Variants in RBM5 observed in about 807,000 individuals in gnomAD.
RBM5 encodes the protein RNA-binding protein 5.
In RBM5, 15 loss-of-function variants were observed where a neutral mutation model predicts 124.6. The ratio of observed to expected loss-of-function variants is 0.12; its 90% CI spans 0.08 to 0.19. The LOEUF is 0.19. RBM5 is among the 10% of genes least tolerant of loss of function. The pLI is 1.00. For synonymous variants in RBM5, 337 were observed against 361.2 expected (o/e 0.93, Z 0.76); for missense variants, 580 against 1,026.5 (o/e 0.57, Z 5.94).
intron 14 of RBM5, among the ~76,000 whole-genome samples, 180 bp from the exon 15 acceptor site, chr3:50,109,423 A>G (rs750034705): frequency 5.9e-4 from 90 of 152,062 alleles, no homozygotes; most frequent in Non-Finnish European, 7.6e-4. Flanking sequence ...TGTATATCAC[A>G]TCTAGTAGAA....
At chr3:50,108,519 C>T (rs1320599575) in intron 14 of RBM5, among the ~76,000 whole-genome samples, 1 of 151,974 alleles carries the variant, frequency 6.6e-6, no homozygotes, top group Non-Finnish European at 1.5e-5. Flanking sequence ...CCAGCCTGGC[C>T]AACATGGTGA....
At chr3:50,109,837 T>G in intron 15 of RBM5, 149 bp downstream of exon 15, 1 of 589,712 alleles carries the variant, frequency 1.7e-6, no homozygotes, top group Non-Finnish European at 3.0e-6. Context: ...AATATTAATT[T>G]TATGATATAT....
intron 3 of RBM5, chr3:50,093,138 C>CAA (rs556944615): frequency 2.7e-4 from 23 of 86,502 alleles, no homozygotes; most frequent in South Asian, 1.0e-3. Context: ...GACTCTGTCT[C>CAA]AAAAAAAAAA....
chr3:50,098,524 C>T (rs2090870427), intron 4 of RBM5, among the ~76,000 whole-genome samples: 8 of 151,992 alleles, frequency 5.3e-5, no homozygotes, highest in Admixed American at 5.2e-4. Flanking sequence ...CTCACTGCAA[C>T]CTCCGCCTCC....
chr3:50,099,888 A>G, intron 4 of RBM5, 94 bp from the exon 5 acceptor site: 2 of 1,141,614 alleles, frequency 1.8e-6, no homozygotes, highest in East Asian at 5.5e-5. Flanking sequence ...AAAAAAAAAA[A>G]CTTGGCTAAT....
At chr3:50,098,799 C>G (rs2090877479) in intron 4 of RBM5, among the ~76,000 whole-genome samples, 1 of 152,084 alleles carries the variant, frequency 6.6e-6, no homozygotes, top group Non-Finnish European at 1.5e-5. Context: ...AGGCTGGTCT[C>G]ACACTCCTGT....
At position 50,118,489 on chromosome 3, in the gene RBM5, C is replaced by A. The variant is rs749463467; in HGVS notation, c.*33C>A. ...AGAGAGAGAGAGATGACAAGGAGCA[C>A]AAGAAGTGGTCCATCTCCCGAATTC... On this transcript the variant is annotated 3_prime_UTR_variant, in exon 25 of 25. Coordinates refer to ENST00000347869, the MANE Select transcript of RBM5 (RefSeq NM_005778.4). 2 of 1,604,134 alleles carry A rather than the reference C, an allele frequency of 1.2e-6. No homozygotes were observed. The highest frequency in any genetic ancestry group is 8.5e-7 in the Non-Finnish European group (1 of 1,174,396).
intron 4 of RBM5, among the ~76,000 whole-genome samples, chr3:50,095,602 T>C (rs921793750): frequency 1.3e-5 from 2 of 151,840 alleles, no homozygotes; most frequent in African/African-American, 4.8e-5. Flanking sequence ...TGCTCTACTG[T>C]TGTGCCTTTT....
At chr3:50,107,220 C>A in intron 11 of RBM5, 2 of 604,156 alleles carry the variant, frequency 3.3e-6, no homozygotes, top group Non-Finnish European at 6.0e-6. Context: ...TTAACTCTAA[C>A]ACGGTAAATT....
intron 17 of RBM5, among the ~76,000 whole-genome samples, chr3:50,111,300 A>G (rs754171386): frequency 6.6e-6 from 1 of 152,176 alleles, no homozygotes; most frequent in Non-Finnish European, 1.5e-5. Flanking sequence ...ACCACTGTCT[A>G]ATCTCAGAAC....
At chr3:50,108,631 C>G (rs570988020) in intron 14 of RBM5, among the ~76,000 whole-genome samples, 14 of 151,932 alleles carry the variant, frequency 9.2e-5, no homozygotes, top group Admixed American at 2.0e-4. Context: ...TGCTTGAACC[C>G]GAGCGGCAGA....
intron 14 of RBM5, among the ~76,000 whole-genome samples, chr3:50,108,697 A>T (rs756928761): frequency 2.6e-5 from 4 of 152,060 alleles, no homozygotes; most frequent in Non-Finnish European, 5.9e-5. Flanking sequence ...ACAGAGTGAG[A>T]TTCTGTCTCA....
Position 50,093,833 on chromosome 3 carries a change from C to T in RBM5, c.297C>T (p.Thr99=). The T allele has an allele frequency of 6.2e-7, 1 of 1,613,518 alleles. No individual in the cohort carries two copies. The highest frequency in any genetic ancestry group is 8.5e-7 in the Non-Finnish European group (1 of 1,179,534). ...HDISDERESK[T]IMLRGLPITI... is the part of the protein sequence containing the mutation. ...TCAGTGACGAGAGGGAGAGCAAGAC[C>T]ATCATGCTGCGCGGCCTTCCCATCA... is the stretch of plus-strand genomic sequence containing the variant. Residue 99 remains threonine (T), a synonymous_variant, in exon 4 of 25, where the codon ACC becomes ACT. Coordinates refer to ENST00000347869, the MANE Select transcript of RBM5 (RefSeq NM_005778.4).
At chr3:50,091,784 G>T (rs1463857778) in intron 2 of RBM5, among the ~76,000 whole-genome samples, 1 of 152,166 alleles carries the variant, frequency 6.6e-6, no homozygotes, top group African/African-American at 2.4e-5. Flanking sequence ...TGGACAACAT[G>T]ACTCTTTCTT....
chr3:50,091,896 A>T, intron 2 of RBM5, 147 bp from the exon 3 acceptor site: 2 of 828,376 alleles, frequency 2.4e-6, no homozygotes, highest in Admixed American at 4.0e-5. Context: ...TTATCTTAGT[A>T]AACTGGAATT....
intron 1 of RBM5, 27 bp from the exon 2 acceptor site, chr3:50,090,355 T>G: frequency 6.6e-7 from 1 of 1,510,364 alleles, no homozygotes; most frequent in Non-Finnish European, 9.2e-7. Context: ...CTGAGATTTA[T>G]AGCAATTAAT....
chr3:50,109,764 C>T (rs1176906903), intron 15 of RBM5, 76 bp downstream of exon 15: 1 of 1,182,826 alleles, frequency 8.5e-7, no homozygotes, highest in Non-Finnish European at 1.3e-6. Context: ...ATTACCCTTT[C>T]CTGTTGTATG....
At chr3:50,111,027 G>T in intron 17 of RBM5, 1 of 476,254 alleles carries the variant, frequency 2.1e-6, no homozygotes, top group South Asian at 3.2e-5. Context: ...GTTTATACAT[G>T]TCTATACATT....
chr3:50,116,851 T>C, intron 22 of RBM5: 1 of 530,698 alleles, frequency 1.9e-6, no homozygotes, highest in Non-Finnish European at 3.4e-6. Flanking sequence ...GTTGGAGACA[T>C]AGTTCTGCCC....
Sources: allele counts gnomAD v4.1 joint callset (sites outside exome capture counted in the v4.1 genomes callset), GRCh38; gene constraint gnomAD v4.1.1; transcripts MANE v1.5; gene names NCBI Gene and HGNC (gene_info 2026-07-23, HGNC 2026-07-21).